Variants in STK3 observed in about 807,000 individuals in gnomAD.
STK3 encodes serine/threonine kinase 3.
A neutral mutation model predicts 58.0 loss-of-function variants in STK3; 41 were observed. The observed-to-expected ratio is 0.71, with a 90% confidence interval of 0.55 to 0.92. The LOEUF (loss-of-function observed/expected upper bound fraction) is 0.92. Ranked by LOEUF, STK3 falls within the 40% of genes least tolerant of loss-of-function variation. The pLI, the probability that STK3 is intolerant of heterozygous loss-of-function variation, is 0.00. For synonymous variants in STK3, 170 were observed against 191.0 expected (o/e 0.89, Z 0.91); for missense variants, 479 against 602.7 (o/e 0.79, Z 2.15).
chr8:98,585,914 TA>T (rs1814522712), intron 7 of STK3, among the ~76,000 whole-genome samples: 1 of 151,866 alleles, frequency 6.6e-6, no homozygotes, highest in Non-Finnish European at 1.5e-5. Context: ...TGTTGGTGTA[TA>T]AGAATGCTTG....
upstream of STK3, among the ~76,000 whole-genome samples, chr8:98,827,440 T>G (rs562903338): frequency 6.6e-6 from 1 of 152,276 alleles, no homozygotes; most frequent in East Asian, 1.9e-4. Context: ...GGAAACCAAT[T>G]TGAAGAGAAT....
At chr8:98,470,380 C>G (rs1820827945) in intron 10 of STK3, among the ~76,000 whole-genome samples, 1 of 152,208 alleles carries the variant, frequency 6.6e-6, no homozygotes, top group East Asian at 1.9e-4. Context: ...CTGCCACCGC[C>G]AACCCACAGA....
At chr8:98,904,644 AC>A in intron 1 of STK3, 5 of 626,548 alleles carry the variant, frequency 8.0e-6, no homozygotes, top group Non-Finnish European at 1.5e-5. Flanking sequence ...TCCCGTTCAT[AC>A]CGGGCCATGT....
chr8:98,724,597 G>A (rs1465791438), intron 4 of STK3, among the ~76,000 whole-genome samples: 1 of 152,170 alleles, frequency 6.6e-6, no homozygotes, highest in Non-Finnish European at 1.5e-5. Context: ...AACTCTGACA[G>A]CAGGCTCTCA....
At chr8:98,420,495 C>T (rs769144120) in intron 3 of STK3, among the ~76,000 whole-genome samples, 45 of 152,112 alleles carry the variant, frequency 3.0e-4, no homozygotes, top group Admixed American at 2.0e-3. Context: ...AGGATTGGTA[C>T]TATCTGTAGT....
At chr8:98,842,675 C>T (rs1836041428) in intron 3 of STK3, among the ~76,000 whole-genome samples, 1 of 151,968 alleles carries the variant, frequency 6.6e-6, no homozygotes, top group Admixed American at 6.6e-5. Context: ...GAGATCCTGT[C>T]TCAAAAACAA....
chr8:98,675,865 A>G (rs773212428), intron 6 of STK3, among the ~76,000 whole-genome samples: 20 of 152,060 alleles, frequency 1.3e-4, no homozygotes, highest in Non-Finnish European at 2.4e-4. Context: ...CTCTGTCTCA[A>G]AAAAGAAAAA....
intron 3 of STK3, among the ~76,000 whole-genome samples, chr8:98,763,253 A>T (rs1830741038): frequency 6.6e-6 from 1 of 152,218 alleles, no homozygotes; most frequent in Admixed American, 6.5e-5. Context: ...TACTCATTAA[A>T]TGTATACTCT....
chr8:98,408,847 G>C (rs1015768892), intron 3 of STK3, among the ~76,000 whole-genome samples: 3 of 152,168 alleles, frequency 2.0e-5, no homozygotes, highest in Non-Finnish European at 4.4e-5. Context: ...AAATTAATCT[G>C]ACACAGCTTT....
intron 10 of STK3, among the ~76,000 whole-genome samples, chr8:98,486,396 G>C (rs1181140652): frequency 6.6e-6 from 1 of 152,198 alleles, no homozygotes; most frequent in Non-Finnish European, 1.5e-5. Context: ...TTAGGAGTAA[G>C]ATCCAACAGA....
intron 4 of STK3, among the ~76,000 whole-genome samples, chr8:98,730,102 T>A (rs898601392): frequency 6.6e-6 from 1 of 152,206 alleles, no homozygotes; most frequent in African/African-American, 2.4e-5. Flanking sequence ...ATCTACCAAA[T>A]GTCTGTCACT....
At chr8:98,594,535 G>C (rs1815634167) in intron 7 of STK3, among the ~76,000 whole-genome samples, 1 of 151,952 alleles carries the variant, frequency 6.6e-6, no homozygotes, top group South Asian at 2.1e-4. Flanking sequence ...AAGAGGCAGA[G>C]GTTGCAGTGA....
intron 8 of STK3, among the ~76,000 whole-genome samples, chr8:98,562,886 G>A (rs1812171883): frequency 2.0e-5 from 3 of 151,456 alleles, no homozygotes; most frequent in Admixed American, 2.0e-4. Flanking sequence ...TGTAGCTTGG[G>A]TGAAAGAGAG....
rs1388144265 is a variant in STK3 at position 98,841,665 on chromosome 8, AAGAG to A, written c.110+41978_110+41981del. Among the ~76,000 whole-genome samples the A allele has an allele frequency of 1.7e-4, 26 of 150,206 alleles. 1 individual carries two copies. The South Asian group carries it at 3.7e-3, about 21-fold the overall frequency. Reference sequence around the variant, plus strand: ...CCACTGCACCCCAGTCTGGGCAAAAAAGAGAGACCTGGTCTCAAAAAAAAAAAAA... The same window carrying A: ...CCACTGCACCCCAGTCTGGGCAAAAAAGACCTGGTCTCAAAAAAAAAAAAA... On this transcript the variant is annotated intron_variant, in intron 3 of 12. Transcript: ENST00000523601.
chr8:98,893,538 A>AAGAAAGAAAG (rs1305264288), intron 1 of STK3, among the ~76,000 whole-genome samples: 1 of 139,780 alleles, frequency 7.2e-6, no homozygotes, highest in African/African-American at 2.7e-5. Context: ...GAAAGAAAGA[A>AAGAAAGAAAG]AAAGAAAGAG....
intron 2 of STK3, among the ~76,000 whole-genome samples, chr8:98,434,798 C>T (rs749142177): frequency 2.7e-5 from 4 of 148,824 alleles, no homozygotes; most frequent in Admixed American, 6.7e-5. Context: ...AACCAGAAAT[C>T]GGAGGGAAAG....
chr8:98,420,634 C>T (rs1261604903), intron 3 of STK3, among the ~76,000 whole-genome samples: 2 of 152,128 alleles, frequency 1.3e-5, no homozygotes, highest in African/African-American at 2.4e-5. Context: ...TGGTCCTGCA[C>T]CTACTTGAGA....
chr8:98,727,933 C>T (rs1452457465), intron 4 of STK3, among the ~76,000 whole-genome samples: 2 of 152,136 alleles, frequency 1.3e-5, no homozygotes, highest in Middle Eastern at 3.2e-3. Flanking sequence ...TCAATGGTTT[C>T]GAGAAACTTG....
chr8:98,468,652 T>C (rs1215460974), intron 10 of STK3, among the ~76,000 whole-genome samples: 1 of 152,210 alleles, frequency 6.6e-6, no homozygotes, highest in East Asian at 1.9e-4. Flanking sequence ...TAAATGAACA[T>C]AAGTCCTGCT....
Sources: allele counts gnomAD v4.1 joint callset (sites outside exome capture counted in the v4.1 genomes callset), GRCh38; gene constraint gnomAD v4.1.1; transcripts MANE v1.5; gene names NCBI Gene and HGNC (gene_info 2026-07-23, HGNC 2026-07-21).